CHRM2: variants seen among roughly 807,000 people sequenced by gnomAD.
CHRM2 encodes muscarinic acetylcholine receptor M2.
Under a neutral mutation model 25.0 loss-of-function variants are expected in CHRM2, and 8 were observed. The ratio of observed to expected loss-of-function variants is 0.32; its 90% CI spans 0.19 to 0.58. The LOEUF is 0.58. CHRM2 is among the 20% of genes least tolerant of loss of function. The probability of loss-of-function intolerance (pLI) is 0.88; values close to 1 mark genes in which losing one functional copy is unlikely to be tolerated. For synonymous variants in CHRM2, 202 were observed against 205.7 expected (o/e 0.98, Z 0.15); for missense variants, 440 against 567.1 (o/e 0.78, Z 2.28).
intron 2 of CHRM2, among the ~76,000 whole-genome samples, chr7:136,927,229 C>A (rs1160837865): frequency 1.3e-5 from 2 of 152,142 alleles, no homozygotes; most frequent in East Asian, 1.9e-4. Flanking sequence ...AGTTTATCTG[C>A]AGTTCAGACA....
chr7:137,008,928 G>A lies in CHRM2; in HGVS notation c.-46-5892G>A, dbSNP rs115696353. Among the ~76,000 whole-genome samples, 851 of 152,118 alleles carry A rather than the reference G, an allele frequency of 5.6e-3. 3 individuals are homozygous for A. Among genetic ancestry groups the A allele is most frequent in the African/African-American group, 0.02 (825 of 41,514 alleles). ...TTGTGTAATATTGTGGAAATGACATGGTCCAGGAGTCAGAGAGACCTAAAT... is the reference window on the plus strand; with the variant it reads ...TTGTGTAATATTGTGGAAATGACATAGTCCAGGAGTCAGAGAGACCTAAAT... On this transcript the variant is annotated intron_variant, in intron 3 of 3. Transcript: ENST00000680005.
chr7:137,000,531 G>GA (rs1803933811), intron 3 of CHRM2, among the ~76,000 whole-genome samples: 1 of 122,812 alleles, frequency 8.1e-6, no homozygotes, highest in Non-Finnish European at 1.6e-5. Flanking sequence ...AAAAAAGAAA[G>GA]AAAGAAAAGA....
In CHRM2 at chr7:136,878,883, T is replaced by A. The variant is rs1025014262; in HGVS notation, c.-125+9465T>A. 2.0e-5 allele frequency among the ~76,000 whole-genome samples: 3 copies of A among 151,852 alleles called. No individual in the cohort carries two copies. The East Asian group carries it at 5.8e-4, about 29-fold the overall frequency. ...CCACAAGCAGTTCTTTCAGAGGATG[T>A]CTCACTATATTATTTGGCATCTAAT... On this transcript the variant is annotated intron_variant, in intron 2 of 3. Transcript: ENST00000680005.
chr7:137,019,747 G>A lies in CHRM2; in HGVS notation c.*3481G>A, dbSNP rs111467434. 6.6e-6 allele frequency: 1 copy of A among 151,980 alleles called. No homozygotes were observed. The highest frequency in any genetic ancestry group is 2.4e-5 in the African/African-American group (1 of 41,518). The allele number at this position is 151,980 out of a possible 1,614,324, so 9.4% of individuals were successfully genotyped here. A position where few individuals can be genotyped will look rare whatever the true frequency, so the allele number is the denominator to read the frequency against. ...AGTATTAGGGCAGAGTAATCAATATGAGAAGCCACAACGGGTAAGCTTTCT... is the reference window on the plus strand; with the variant it reads ...AGTATTAGGGCAGAGTAATCAATATAAGAAGCCACAACGGGTAAGCTTTCT... On this transcript the variant is annotated 3_prime_UTR_variant, in exon 4 of 4. Coordinates refer to ENST00000680005, the MANE Select transcript of CHRM2 (RefSeq NM_001006630.2).
chr7:136,890,781 TTGTGTA>T (rs989849042), intron 2 of CHRM2, among the ~76,000 whole-genome samples: 4 of 152,174 alleles, frequency 2.6e-5, no homozygotes, highest in African/African-American at 9.7e-5. Context: ...GTCCAAGTGT[TTGTGTA>T]TGTGTATGTG....
At chr7:137,011,468 C>A (rs754619872) in intron 3 of CHRM2, among the ~76,000 whole-genome samples, 1 of 151,706 alleles carries the variant, frequency 6.6e-6, no homozygotes, top group Non-Finnish European at 1.5e-5. Context: ...TGTCCAAGAC[C>A]GCAGAAGAAA....
intron 2 of CHRM2, chr7:136,870,897 T>A (rs1795803243): frequency 6.6e-6 from 1 of 152,364 alleles, no homozygotes; most frequent in Non-Finnish European, 1.5e-5. Flanking sequence ...ACTTTCTATT[T>A]CCCTGTCTTC....
Position 136,902,978 on chromosome 7 carries a change from C to G in CHRM2, c.-125+33560C>G, listed in dbSNP as rs143048160. On this transcript the variant is annotated intron_variant, in intron 2 of 3. Coordinates refer to ENST00000680005, the MANE Select transcript of CHRM2 (RefSeq NM_001006630.2). ...TATCAAACAAACAAAGCTTCTCAGC[C>G]TGGGATTAACCTGGAGTCTGGAAAG... The G allele has an allele frequency of 2.6e-3, 983 of 384,188 alleles. 7 individuals are homozygous for G. The highest frequency in any genetic ancestry group is 0.019 in the African/African-American group (908 of 46,766). 23.8% of individuals were successfully genotyped at this position (384,188 alleles called of 1,614,324 possible).
intron 2 of CHRM2, among the ~76,000 whole-genome samples, chr7:136,893,762 T>G: frequency 6.6e-6 from 1 of 152,160 alleles, no homozygotes; most frequent in East Asian, 1.9e-4. Flanking sequence ...TATACCACCT[T>G]TTTACATGAG....
intron 2 of CHRM2, among the ~76,000 whole-genome samples, chr7:136,930,447 G>A (rs1798999258): frequency 6.6e-6 from 1 of 152,036 alleles, no homozygotes; most frequent in Non-Finnish European, 1.5e-5. Flanking sequence ...ACAATCTTCA[G>A]TGTAATAAAA....
At chr7:136,883,332 T>C (rs562138349) in intron 2 of CHRM2, among the ~76,000 whole-genome samples, 1 of 152,256 alleles carries the variant, frequency 6.6e-6, no homozygotes, top group South Asian at 2.1e-4. Flanking sequence ...GTATATTCAG[T>C]TTGGAGACAG....
rs1188508834 is a variant in CHRM2 at position 137,019,077 on chromosome 7, A to G, written c.*2811A>G. Reference sequence around the variant, plus strand: ...CAGGACATTTTCCCCCAACCCCTTTAAACAAATATTATTTGGCTCAAAATG... The same window carrying G: ...CAGGACATTTTCCCCCAACCCCTTTGAACAAATATTATTTGGCTCAAAATG... On this transcript the variant is annotated 3_prime_UTR_variant, in exon 4 of 4. Transcript: ENST00000680005. The G allele has an allele frequency of 6.6e-6, 1 of 151,876 alleles. No individual in the cohort carries two copies. Among genetic ancestry groups the G allele is most frequent in the Non-Finnish European group, 1.5e-5 (1 of 67,896 alleles). 9.4% of individuals were successfully genotyped at this position (151,876 alleles called of 1,614,324 possible).
intron 2 of CHRM2, among the ~76,000 whole-genome samples, chr7:136,930,228 T>G (rs750658823): frequency 2.6e-5 from 4 of 151,516 alleles, no homozygotes; most frequent in Non-Finnish European, 5.9e-5. Context: ...AGGTCAGGAG[T>G]TTGAGACCAG....
chr7:136,985,659 A>T (rs1405013048), intron 2 of CHRM2, among the ~76,000 whole-genome samples: 1 of 152,190 alleles, frequency 6.6e-6, no homozygotes, highest in East Asian at 1.9e-4. Context: ...CTAGATTAGC[A>T]TCTTACAATC....
Position 136,918,124 on chromosome 7 carries a change from G to A in CHRM2, c.-125+48706G>A, listed in dbSNP as rs114355163. 5.1e-3 allele frequency among the ~76,000 whole-genome samples: 782 copies of A among 152,164 alleles called. 6 individuals carry two copies. The highest frequency in any genetic ancestry group is 0.018 in the African/African-American group (732 of 41,542). On this transcript the variant is annotated intron_variant, in intron 2 of 3. Coordinates refer to ENST00000680005, the MANE Select transcript of CHRM2 (RefSeq NM_001006630.2). ...CCACCATGTCCATGTGGAATATAACGCCTTGTCTTCCCAACCAGATCATAA... is the reference window on the plus strand; with the variant it reads ...CCACCATGTCCATGTGGAATATAACACCTTGTCTTCCCAACCAGATCATAA...
At chr7:136,993,486 G>C (rs1191469910) in intron 3 of CHRM2, among the ~76,000 whole-genome samples, 2 of 152,104 alleles carry the variant, frequency 1.3e-5, no homozygotes, top group South Asian at 4.1e-4. Flanking sequence ...CTGAGGTCAG[G>C]GGAGAGAGAT....
At chr7:136,969,647 G>A (rs1182563953) in intron 2 of CHRM2, among the ~76,000 whole-genome samples, 1 of 151,906 alleles carries the variant, frequency 6.6e-6, no homozygotes, top group Non-Finnish European at 1.5e-5. Flanking sequence ...TTATTCTAAG[G>A]GCCTTCTAAC....
At chr7:136,946,704 C>T (rs1457646451) in intron 2 of CHRM2, among the ~76,000 whole-genome samples, 3 of 152,144 alleles carry the variant, frequency 2.0e-5, no homozygotes, top group Non-Finnish European at 4.4e-5. Context: ...TAATGCTACT[C>T]ATTTGTAAAT....
chr7:136,973,791 G>A (rs921981209), intron 2 of CHRM2, among the ~76,000 whole-genome samples: 4 of 152,002 alleles, frequency 2.6e-5, no homozygotes, highest in Non-Finnish European at 4.4e-5. Context: ...TGGTGGGGAT[G>A]GTAGGGGTGT....
Sources: allele counts gnomAD v4.1 joint callset (sites outside exome capture counted in the v4.1 genomes callset), GRCh38; gene constraint gnomAD v4.1.1; transcripts MANE v1.5; gene names NCBI Gene and HGNC (gene_info 2026-07-23, HGNC 2026-07-21).